The following KCNMA1 variants were observed in gnomAD, a reference collection of about 807,000 sequenced individuals.
KCNMA1 encodes Calcium-activated potassium channel subunit alpha-1.
A neutral mutation model predicts 140.0 loss-of-function variants in KCNMA1; 29 were observed. The ratio of observed to expected loss-of-function variants is 0.21; its 90% confidence interval spans 0.15 to 0.28. The LOEUF (loss-of-function observed/expected upper bound fraction) is 0.28. Ranked by LOEUF, KCNMA1 falls within the 10% of genes least tolerant of loss-of-function variation. The probability of loss-of-function intolerance (pLI) is 1.00; values close to 1 mark genes in which losing one functional copy is unlikely to be tolerated. For missense variants in KCNMA1, 880 were observed against 1,602.2 expected (o/e 0.55, Z 7.70); for synonymous variants, 612 against 611.9 (o/e 1.00, Z 0.00).
rs537418507 is a variant in KCNMA1, at chr10:77,530,752, T to C, written c.378+106513A>G. 5.3e-5 allele frequency among the ~76,000 whole-genome samples: 8 copies of C among 152,202 alleles called. No homozygotes were observed. In the South Asian group the frequency reaches 1.7e-3, roughly 32 times the overall value. ...TAGTACTCCAAATTCTGTCATTCTC[T>C]CCCATCTTCCTGATTTCTGCCCCGC... On this transcript the variant is annotated intron_variant, in intron 1 of 27. Coordinates refer to ENST00000286628, the MANE Select transcript of KCNMA1 (RefSeq NM_001161352.2).
intron 17 of KCNMA1, among the ~76,000 whole-genome samples, chr10:77,015,415 C>A (rs2153466014): frequency 6.6e-6 from 1 of 152,200 alleles, no homozygotes; most frequent in South Asian, 2.1e-4. Flanking sequence ...CTTGGCCATC[C>A]CTTGTTGGTT....
chr10:77,025,578 A>G (rs919712022), intron 16 of KCNMA1: 23 of 799,506 alleles, frequency 2.9e-5, no homozygotes, highest in Admixed American at 6.4e-5. Context: ...ATGTGAAAAC[A>G]AGGTTTTTTG....
At chr10:77,025,281 T>TATACATATAC (rs1394239548) in intron 16 of KCNMA1, among the ~76,000 whole-genome samples, 1 of 122,332 alleles carries the variant, frequency 8.2e-6, no homozygotes, top group Non-Finnish European at 1.7e-5. Context: ...TATATATATA[T>TATACATATAC]ACACACACAC....
chr10:76,875,689 GA>G (rs2032252890), downstream of KCNMA1: 1 of 152,182 alleles, frequency 6.6e-6, no homozygotes, highest in South Asian at 2.1e-4. Flanking sequence ...GTTCACGAAG[GA>G]AAGAAGAGCG....
At chr10:77,526,327 T>C (rs2055647830) in intron 1 of KCNMA1, among the ~76,000 whole-genome samples, 1 of 152,204 alleles carries the variant, frequency 6.6e-6, no homozygotes, top group South Asian at 2.1e-4. Context: ...ATCAAAAGCA[T>C]CTAACTAATG....
At chr10:77,197,950 C>T (rs1284584132) in intron 3 of KCNMA1, among the ~76,000 whole-genome samples, 2 of 152,106 alleles carry the variant, frequency 1.3e-5, no homozygotes, top group African/African-American at 4.8e-5. Flanking sequence ...GAAGAGGCAG[C>T]TTTGGGGACG....
At chr10:77,259,076 C>T (rs2061423838) in intron 2 of KCNMA1, among the ~76,000 whole-genome samples, 1 of 152,142 alleles carries the variant, frequency 6.6e-6, no homozygotes, top group South Asian at 2.1e-4. Context: ...CATAGGTCCC[C>T]TAAATTACCA....
At chr10:77,407,484 C>T (rs948323053) in intron 1 of KCNMA1, among the ~76,000 whole-genome samples, 3 of 152,238 alleles carry the variant, frequency 2.0e-5, no homozygotes, top group Admixed American at 6.5e-5. Context: ...TAAGTGTTTT[C>T]TATGCATTGT....
At chr10:77,168,901 TG>T (rs764811641) in intron 5 of KCNMA1, among the ~76,000 whole-genome samples, 53 of 152,360 alleles carry the variant, frequency 3.5e-4, no homozygotes, top group Non-Finnish European at 6.9e-4. Context: ...AAGGCTTTTT[TG>T]GGTCCTATCT....
chr10:76,919,051 T>C lies in KCNMA1; in HGVS notation c.2903-4002A>G, dbSNP rs1590644553. Among the ~76,000 whole-genome samples, 6 of 152,084 alleles carry C rather than the reference T, an allele frequency of 3.9e-5. No individual in the cohort carries two copies. In the South Asian group the frequency reaches 1.2e-3, roughly 32 times the overall value. On this transcript the variant is annotated intron_variant, in intron 23 of 27. Transcript: ENST00000286628. ...AGACTATTATTCTAAGTGATGTAAC[T>C]CAGGAATGGAAAACCAAACATCATA...
At chr10:77,202,850 TC>T (rs1277873285) in intron 3 of KCNMA1, among the ~76,000 whole-genome samples, 1 of 152,186 alleles carries the variant, frequency 6.6e-6, no homozygotes, top group East Asian at 1.9e-4. Flanking sequence ...TAAGGATGGA[TC>T]CTTAGAATGC....
chr10:77,171,802 C>T (rs758577011), intron 5 of KCNMA1, among the ~76,000 whole-genome samples: 14 of 152,046 alleles, frequency 9.2e-5, no homozygotes, highest in South Asian at 4.2e-4. Flanking sequence ...GCTTGCAGAC[C>T]GCACCTCGAG....
At chr10:77,192,608 C>A (rs1176792506) in intron 3 of KCNMA1, among the ~76,000 whole-genome samples, 1 of 152,078 alleles carries the variant, frequency 6.6e-6, no homozygotes, top group Non-Finnish European at 1.5e-5. Flanking sequence ...GTTACGAATT[C>A]CCAACGTTGT....
chr10:77,474,300 G>C (rs2098230167), intron 1 of KCNMA1, among the ~76,000 whole-genome samples: 1 of 152,144 alleles, frequency 6.6e-6, no homozygotes, highest in African/African-American at 2.4e-5. Context: ...TTGGTGACAG[G>C]GTCTTTGAAC....
chr10:77,577,108 TC>T (rs67347357), intron 1 of KCNMA1, among the ~76,000 whole-genome samples: 23,895 of 148,700 alleles, frequency 0.16, 2,221 homozygotes, highest in Middle Eastern at 0.25. Context: ...TCTTTTTTTT[TC>T]TTTCCTCGGC....
intron 25 of KCNMA1, among the ~76,000 whole-genome samples, chr10:76,893,826 A>G (rs1460046964): frequency 6.6e-6 from 1 of 152,194 alleles, no homozygotes; most frequent in Non-Finnish European, 1.5e-5. Context: ...ATATTACTGA[A>G]AGAAATTAAA....
At chr10:77,349,251 C>T (rs1277035517) in intron 2 of KCNMA1, among the ~76,000 whole-genome samples, 1 of 152,150 alleles carries the variant, frequency 6.6e-6, no homozygotes, top group Non-Finnish European at 1.5e-5. Flanking sequence ...TGCCTTGCCC[C>T]TTCCACCATG....
At chr10:77,570,644 G>A (rs1214200355) in intron 1 of KCNMA1, among the ~76,000 whole-genome samples, 3 of 146,146 alleles carry the variant, frequency 2.1e-5, no homozygotes, top group South Asian at 2.3e-4. Flanking sequence ...GCTAGATGAC[G>A]AGTTAGTGGG....
chr10:77,592,726 G>A (rs1233919555), intron 1 of KCNMA1, among the ~76,000 whole-genome samples: 3 of 152,138 alleles, frequency 2.0e-5, no homozygotes, highest in African/African-American at 4.8e-5. Flanking sequence ...ATGTTTACCC[G>A]TTTGTGCTTG....
Sources: gnomAD v4.1 joint callset for allele counts (sites outside exome capture counted in the v4.1 genomes callset) on GRCh38, gnomAD v4.1.1 for gene constraint, MANE v1.5 for transcripts, NCBI Gene and HGNC (gene_info 2026-07-23, HGNC 2026-07-21) for gene names.